The following SH3PXD2A variants were observed in gnomAD, a reference collection of about 807,000 sequenced individuals.
SH3PXD2A encodes SH3 and PX domain-containing protein 2A.
SH3PXD2A carries 32 observed loss-of-function variants against 115.2 expected under a neutral mutation model. That is an observed-to-expected ratio of 0.28 (90% CI 0.21 to 0.37). SH3PXD2A has a LOEUF of 0.37. SH3PXD2A is among the 10% of genes least tolerant of loss of function. The probability of loss-of-function intolerance (pLI) is 1.00; values close to 1 mark genes in which losing one functional copy is unlikely to be tolerated. For missense variants in SH3PXD2A, 1,328 were observed against 1,498.7 expected (o/e 0.89, Z 1.88); for synonymous variants, 610 against 629.1 (o/e 0.97, Z 0.45).
intron 1 of SH3PXD2A, among the ~76,000 whole-genome samples, chr10:103,823,731 A>G (rs570775880): frequency 2.0e-5 from 3 of 152,312 alleles, no homozygotes; most frequent in East Asian, 1.9e-4. Context: ...TCCCTGCCTC[A>G]TGGCGTGGCC....
chr10:103,713,624 T>A (rs1165467809), intron 5 of SH3PXD2A, among the ~76,000 whole-genome samples: 1 of 152,204 alleles, frequency 6.6e-6, no homozygotes, highest in Non-Finnish European at 1.5e-5. Context: ...GAATGCCACC[T>A]CCTCAGGGAG....
intron 2 of SH3PXD2A, among the ~76,000 whole-genome samples, chr10:103,785,901 G>C (rs973192045): frequency 2.6e-5 from 4 of 151,682 alleles, no homozygotes; most frequent in Admixed American, 2.6e-4. Flanking sequence ...AAAAGCCTCC[G>C]GGGAGGCTGA....
At chr10:103,825,762 A>ATTT (rs370142036) in intron 1 of SH3PXD2A, among the ~76,000 whole-genome samples, 3,283 of 132,356 alleles carry the variant, frequency 0.025, 135 homozygotes, top group African/African-American at 0.07. Context: ...TCCGTAACAA[A>ATTT]TTTTTTTTTT....
intron 4 of SH3PXD2A, 70 bp downstream of exon 4, chr10:103,735,662 A>G: frequency 1.7e-6 from 2 of 1,202,372 alleles, no homozygotes; most frequent in Non-Finnish European, 2.5e-6. Context: ...ATGGACACTC[A>G]GGCAAATGGG....
At chr10:103,608,251 CG>C (rs1446244920) in intron 13 of SH3PXD2A, among the ~76,000 whole-genome samples, 1 of 148,958 alleles carries the variant, frequency 6.7e-6, no homozygotes, top group Non-Finnish European at 1.5e-5. Context: ...TCCCGGAAGC[CG>C]GGAGAGAGGC....
chr10:103,792,015 A>C (rs1305151218), intron 2 of SH3PXD2A, among the ~76,000 whole-genome samples: 2 of 152,078 alleles, frequency 1.3e-5, no homozygotes, highest in East Asian at 3.9e-4. Flanking sequence ...AGGAAGCTGG[A>C]GTTCATACTC....
In SH3PXD2A at chr10:103,656,788, A is replaced by T. The variant is rs142238506; in HGVS notation, c.604+4195T>A. Among the ~76,000 whole-genome samples, 231 of 146,376 alleles carry T rather than the reference A, an allele frequency of 1.6e-3. 2 individuals are homozygous for T. The highest frequency in any genetic ancestry group is 5.7e-3 in the African/African-American group (222 of 39,194). ...GGTTGCAGTGAGCCGAGATCATGCC[A>T]CTGCACTCCAGCCTGGGCAACAAGA... On this transcript the variant is annotated intron_variant, in intron 8 of 14. Transcript: ENST00000369774.
chr10:103,618,758 C>G (rs182523157), intron 10 of SH3PXD2A, among the ~76,000 whole-genome samples: 10 of 152,338 alleles, frequency 6.6e-5, no homozygotes, highest in African/African-American at 2.4e-4. Flanking sequence ...ACCCACCCCT[C>G]CTGGCTCCCA....
At chr10:103,624,598 T>C (rs2036662976) in intron 9 of SH3PXD2A, among the ~76,000 whole-genome samples, 1 of 152,200 alleles carries the variant, frequency 6.6e-6, no homozygotes, top group Admixed American at 6.5e-5. Flanking sequence ...TGTCTCATGA[T>C]AAGGACACAC....
intron 8 of SH3PXD2A, among the ~76,000 whole-genome samples, chr10:103,639,326 T>A (rs1054533609): frequency 6.6e-6 from 1 of 152,134 alleles, no homozygotes; most frequent in African/African-American, 2.4e-5. Flanking sequence ...AATGAGGCAT[T>A]CAAGGCCGGG....
At chr10:103,645,717 G>C (rs1309048737) in intron 8 of SH3PXD2A, among the ~76,000 whole-genome samples, 2 of 152,166 alleles carry the variant, frequency 1.3e-5, no homozygotes, top group Non-Finnish European at 2.9e-5. Flanking sequence ...GTTGTTTGCA[G>C]GCCTCTACTG....
intron 5 of SH3PXD2A, among the ~76,000 whole-genome samples, chr10:103,701,146 ATCCATCCATCCAT>A: frequency 2.8e-4 from 1 of 3,614 alleles, no homozygotes. Context: ...TCCATCCACT[ATCCATCCATCCAT>A]CCATCCATCC....
intron 1 of SH3PXD2A, among the ~76,000 whole-genome samples, chr10:103,811,379 G>A (rs2039269191): frequency 6.6e-6 from 1 of 152,210 alleles, no homozygotes; most frequent in Non-Finnish European, 1.5e-5. Flanking sequence ...AATGTATTGA[G>A]TACTGACTAT....
intron 3 of SH3PXD2A, among the ~76,000 whole-genome samples, chr10:103,758,967 C>G (rs1226323127): frequency 6.6e-6 from 1 of 152,206 alleles, no homozygotes; most frequent in Admixed American, 6.5e-5. Context: ...CTCTGAGCCA[C>G]AACCTCCCTC....
chr10:103,611,430 T>C, intron 13 of SH3PXD2A, 151 bp downstream of exon 13: 1 of 736,232 alleles, frequency 1.4e-6, no homozygotes, highest in Non-Finnish European at 2.4e-6. Flanking sequence ...CTTCCCTCCC[T>C]GCCCCTAGCC....
intron 1 of SH3PXD2A, among the ~76,000 whole-genome samples, chr10:103,824,143 C>A (rs11814422): frequency 0.11 from 16,935 of 152,134 alleles, 1,459 homozygotes; most frequent in East Asian, 0.46. Flanking sequence ...CTGGCTCAGA[C>A]CAAGCACCCT....
intron 8 of SH3PXD2A, among the ~76,000 whole-genome samples, chr10:103,650,679 GCCCTGTC>G (rs1408775414): frequency 6.6e-6 from 1 of 152,152 alleles, no homozygotes; most frequent in Non-Finnish European, 1.5e-5. Flanking sequence ...CCCAGTCCAG[GCCCTGTC>G]CCTGTCTCTG....
intron 1 of SH3PXD2A, among the ~76,000 whole-genome samples, chr10:103,813,772 T>C (rs1012515148): frequency 6.6e-6 from 1 of 152,112 alleles, no homozygotes; most frequent in Non-Finnish European, 1.5e-5. Context: ...TGTGGGGCTG[T>C]AGGGAATTTC....
intron 5 of SH3PXD2A, among the ~76,000 whole-genome samples, chr10:103,702,596 C>CGT (rs6144056): frequency 0.012 from 1,774 of 147,560 alleles, 22 homozygotes; most frequent in Non-Finnish European, 0.019. Context: ...TGTGTGTGTG[C>CGT]GTGTGTGTGT....
Sources: allele counts gnomAD v4.1 joint callset (sites outside exome capture counted in the v4.1 genomes callset), GRCh38; gene constraint gnomAD v4.1.1; transcripts MANE v1.5; gene names NCBI Gene and HGNC (gene_info 2026-07-23, HGNC 2026-07-21).